ABR: variants seen among roughly 807,000 people sequenced by gnomAD.
The protein encoded by ABR is active breakpoint cluster region-related protein.
ABR carries 35 observed loss-of-function variants against 107.2 expected under a neutral mutation model. The observed-to-expected ratio is 0.33, with a 90% confidence interval of 0.25 to 0.43. ABR has a LOEUF of 0.43. ABR is among the 20% of genes least tolerant of loss of function. The pLI is 1.00. For synonymous variants in ABR, 498 were observed against 462.0 expected (o/e 1.08, Z -1.00); for missense variants, 815 against 1,115.2 (o/e 0.73, Z 3.83).
intron 4 of ABR, among the ~76,000 whole-genome samples, chr17:1,089,448 G>A (rs2036866933): frequency 6.6e-6 from 1 of 152,248 alleles, no homozygotes; most frequent in South Asian, 2.1e-4. Context: ...AAGTTGCCCA[G>A]TTGCAGGTTT....
chr17:1,091,735 T>A lies in ABR; in HGVS notation c.461A>T (p.Tyr154Phe). The part of the protein sequence containing the change: ...QDIYEIHKEF[Y>F]DNLCPKVQQW... ...TTGCACCTTGGGGCACAGGTTGTCA[T>A]AGAACTCCTTGTGGATCTCATAGAT... The change falls in exon 4 of 23, where the codon TAT (tyrosine) becomes TTT (phenylalanine). Residue 154 changes from tyrosine to phenylalanine, a missense_variant. Around this residue, in one of 5 missense-constraint regions of ABR, gnomAD observed 385 missense variants for 596.9 expected, o/e 0.64. Transcript: ENST00000302538. The A allele has an allele frequency of 1.2e-6, 2 of 1,614,176 alleles. No individual in the cohort carries two copies. The highest frequency in any genetic ancestry group is 1.7e-6 in the Non-Finnish European group (2 of 1,180,028).
intron 1 of ABR, among the ~76,000 whole-genome samples, chr17:1,204,301 C>T (rs1180571919): frequency 6.6e-6 from 1 of 152,130 alleles, no homozygotes; most frequent in East Asian, 1.9e-4. Flanking sequence ...AAACATTATC[C>T]GGGCGTGGTG....
chr17:1,100,009 C>G (rs1438200855), intron 3 of ABR, among the ~76,000 whole-genome samples: 1 of 151,946 alleles, frequency 6.6e-6, no homozygotes, highest in Non-Finnish European at 1.5e-5. Flanking sequence ...ACGTGCAATT[C>G]CAGCCACTCG....
intron 2 of ABR, among the ~76,000 whole-genome samples, chr17:1,112,529 G>A (rs186411153): frequency 1.1e-3 from 165 of 151,930 alleles, no homozygotes; most frequent in African/African-American, 3.6e-3. Context: ...CTCAAGAGTT[G>A]GAGGCTGCAA....
intron 1 of ABR, among the ~76,000 whole-genome samples, chr17:1,153,301 C>T (rs1234368121): frequency 2.0e-5 from 3 of 152,220 alleles, no homozygotes; most frequent in Non-Finnish European, 4.4e-5. Flanking sequence ...CAGTCATACC[C>T]CCCAGCCTGG....
chr17:1,043,455 C>T (rs867186607), intron 16 of ABR, among the ~76,000 whole-genome samples: 1 of 152,162 alleles, frequency 6.6e-6, no homozygotes, highest in African/African-American at 2.4e-5. Flanking sequence ...AGGCGTGAGC[C>T]ACCGCGCCCG....
chr17:1,149,606 T>TG lies in ABR; in HGVS notation c.62-24240dup, dbSNP rs573184420. ...CTAATTTTTGTATTTTTAGTAGAGA[T>TG]GGGGTTTCACCATGTTGGCCAGCTG... is the stretch of plus-strand genomic sequence containing the variant. On this transcript the variant is annotated intron_variant, in intron 1 of 22. Transcript: ENST00000302538. Among the ~76,000 whole-genome samples, 744 of 152,034 alleles carry TG rather than the reference T, an allele frequency of 4.9e-3. 7 individuals are homozygous for TG. Among genetic ancestry groups the TG allele is most frequent in the Non-Finnish European group, 7.2e-3 (491 of 67,964 alleles).
chr17:1,082,046 C>T (rs970998476), intron 5 of ABR, among the ~76,000 whole-genome samples: 1 of 151,592 alleles, frequency 6.6e-6, no homozygotes, highest in Admixed American at 6.6e-5. Context: ...ACGTGGGCAT[C>T]GACCGTCACC....
At chr17:1,180,054 G>A (rs1412007192), upstream of ABR, among the ~76,000 whole-genome samples, 2 of 144,692 alleles carry the variant, frequency 1.4e-5, no homozygotes, top group Admixed American at 1.3e-4. Context: ...CGGGGCTTTG[G>A]TGCGGGGGCG....
chr17:1,216,901 G>C (rs989164724), intron 1 of ABR, among the ~76,000 whole-genome samples: 2 of 152,164 alleles, frequency 1.3e-5, no homozygotes, highest in Non-Finnish European at 2.9e-5. Context: ...TGTGCCCTCT[G>C]AGACAATGAG....
intron 1 of ABR, among the ~76,000 whole-genome samples, chr17:1,203,399 G>T (rs908284529): frequency 7.2e-4 from 2 of 2,780 alleles, no homozygotes. Context: ...GGCGGGGCCC[G>T]CGGGGGGCGG....
At chr17:1,149,811 T>A (rs2151525768) in intron 1 of ABR, among the ~76,000 whole-genome samples, 1 of 152,336 alleles carries the variant, frequency 6.6e-6, no homozygotes, top group East Asian at 1.9e-4. Flanking sequence ...CAGCTCCAAA[T>A]GCCAGGAGCC....
At chr17:1,014,626 C>A (rs1476972429) in intron 16 of ABR, among the ~76,000 whole-genome samples, 1 of 150,950 alleles carries the variant, frequency 6.6e-6, no homozygotes, top group East Asian at 2.0e-4. Flanking sequence ...ATCACGAGGT[C>A]AGGAGATCGA....
intron 4 of ABR, among the ~76,000 whole-genome samples, chr17:1,091,404 C>A (rs2037021862): frequency 6.6e-6 from 1 of 152,162 alleles, no homozygotes; most frequent in Non-Finnish European, 1.5e-5. Context: ...CCCATCTCCA[C>A]CACCCCTGGA....
intron 1 of ABR, among the ~76,000 whole-genome samples, chr17:1,149,425 G>GT (rs34550378): frequency 0.33 from 42,892 of 130,420 alleles, 7,022 homozygotes; most frequent in Middle Eastern, 0.36. Flanking sequence ...TCTGGTTTTA[G>GT]TTTTTTTTTT....
intron 2 of ABR, among the ~76,000 whole-genome samples, chr17:1,121,227 T>G (rs1240514475): frequency 2.0e-5 from 3 of 152,234 alleles, no homozygotes; most frequent in African/African-American, 7.2e-5. Flanking sequence ...TGGAAGGGCG[T>G]GCTGGGGAGA....
chr17:1,147,948 G>C (rs1335167819), intron 1 of ABR, among the ~76,000 whole-genome samples: 3 of 152,206 alleles, frequency 2.0e-5, no homozygotes, highest in Non-Finnish European at 4.4e-5. Flanking sequence ...AGTGCCAGGA[G>C]CACCAACGGC....
In ABR at chr17:1,027,827, C is replaced by G. The variant is rs1431284386; in HGVS notation, c.1792-14663G>C. ...AAGGAAGGGCGGTGGGCAGCCGGGCCAGGCCAGACTTCTATTGCAGAAGGC... is the reference window on the plus strand; with the variant it reads ...AAGGAAGGGCGGTGGGCAGCCGGGCGAGGCCAGACTTCTATTGCAGAAGGC... On this transcript the variant is annotated intron_variant, in intron 16 of 22. Coordinates refer to ENST00000302538, the MANE Select transcript of ABR (RefSeq NM_021962.5). The surrounding 1 kb of genome is among the most constrained non-coding windows in gnomAD (Gnocchi z 4.7). Among the ~76,000 whole-genome samples the G allele has an allele frequency of 6.6e-6, 1 of 151,732 alleles. No individual in the cohort carries two copies. The highest frequency in any genetic ancestry group is 1.5e-5 in the Non-Finnish European group (1 of 67,932).
At chr17:1,173,109 A>C (rs1598047973) in intron 1 of ABR, among the ~76,000 whole-genome samples, 2 of 30,094 alleles carry the variant, frequency 6.6e-5, no homozygotes, top group Admixed American at 5.1e-4. Flanking sequence ...AGCCCACCCA[A>C]CACATCACCT....
Sources: gnomAD v4.1 joint callset for allele counts (sites outside exome capture counted in the v4.1 genomes callset) on GRCh38, gnomAD v4.1.1 for gene constraint, gnomAD v4.1.1 regional missense constraint, Gnocchi (gnomAD v3.1) non-coding constraint, MANE v1.5 for transcripts, NCBI Gene and HGNC (gene_info 2026-07-23, HGNC 2026-07-21) for gene names.